TAFA5: variants seen among roughly 807,000 people sequenced by gnomAD.
The protein encoded by TAFA5 is TAFA chemokine like family member 5.
Under a neutral mutation model 15.3 loss-of-function variants are expected in TAFA5, and 6 were observed. The observed-to-expected ratio is 0.39, with a 90% CI of 0.21 to 0.77. The LOEUF is 0.77. Among genes scored for constraint, TAFA5 ranks in the 30% least tolerant of loss-of-function variants. The pLI, the probability that TAFA5 is intolerant of heterozygous loss-of-function variation, is 0.41. For synonymous variants in TAFA5, 103 were observed against 80.7 expected, an observed-to-expected ratio of 1.28 and a Z score of -1.48; for missense variants, 161 against 193.1, an observed-to-expected ratio of 0.83 and a Z score of 0.98.
intron 2 of TAFA5, among the ~76,000 whole-genome samples, chr22:48,654,152 C>A (rs1927153265): frequency 6.6e-6 from 1 of 152,054 alleles, no homozygotes. Flanking sequence ...TGGCTCTGCT[C>A]CCTCCCTTTC....
chr22:48,519,193 T>C (rs1390025751), intron 1 of TAFA5, among the ~76,000 whole-genome samples: 1 of 152,238 alleles, frequency 6.6e-6, no homozygotes, highest in African/African-American at 2.4e-5. Context: ...CAGCCGATGC[T>C]TAGTGTACTG....
At chr22:48,557,729 C>G (rs1208943888) in intron 1 of TAFA5, among the ~76,000 whole-genome samples, 11 of 152,222 alleles carry the variant, frequency 7.2e-5, no homozygotes, top group Non-Finnish European at 1.6e-4. Context: ...GTCCAGCCCC[C>G]ACAGCACCCC....
chr22:48,712,814 T>C (rs1240845865), intron 3 of TAFA5, among the ~76,000 whole-genome samples: 1 of 152,242 alleles, frequency 6.6e-6, no homozygotes, highest in Admixed American at 6.5e-5. Flanking sequence ...TCCTGTGCTC[T>C]GCCTCTGCCT....
chr22:48,745,439 G>A (rs1055231549), intron 3 of TAFA5, among the ~76,000 whole-genome samples: 1 of 150,132 alleles, frequency 6.7e-6, no homozygotes, highest in African/African-American at 2.5e-5. Flanking sequence ...GCCTGCCCGG[G>A]GTTCACCCTG....
intron 1 of TAFA5, among the ~76,000 whole-genome samples, chr22:48,579,992 G>A (rs926059026): frequency 3.3e-5 from 5 of 152,174 alleles, no homozygotes; most frequent in African/African-American, 1.2e-4. Flanking sequence ...GAGTGCATTC[G>A]ACGGCTTGAA....
intron 1 of TAFA5, among the ~76,000 whole-genome samples, chr22:48,606,302 A>G (rs1225978514): frequency 1.3e-5 from 2 of 152,176 alleles, no homozygotes; most frequent in Non-Finnish European, 2.9e-5. Flanking sequence ...ACCGTCGGAG[A>G]CAGCGTGCAC....
At chr22:48,493,898 G>A (rs12172397) in intron 1 of TAFA5, among the ~76,000 whole-genome samples, 9,773 of 152,234 alleles carry the variant, frequency 0.064, 420 homozygotes, top group Middle Eastern at 0.088. Flanking sequence ...TGATCCTGGC[G>A]GTGCCCCACT....
rs1352316161 is a variant in TAFA5, at chr22:48,489,832, C to G, written c.112+128C>G. ...GTTACGAGCGCCGGGCGCATGGTCC[C>G]CCGAGTCCCGGCCGGTCCAACGCTG... is the stretch of plus-strand genomic sequence containing the variant. On this transcript the variant is annotated intron_variant, in intron 1 of 3. Coordinates refer to ENST00000402357, the MANE Select transcript of TAFA5 (RefSeq NM_001082967.3). This position sits in a 1 kb window ranked among gnomAD's most constrained non-coding sequence, Gnocchi z 5.5. 3 of 490,758 alleles carry G rather than the reference C, an allele frequency of 6.1e-6. No individual in the cohort carries two copies. The South Asian group carries it at 1.6e-4, about 25-fold the overall frequency. 30.4% of individuals were successfully genotyped at this position (490,758 alleles called of 1,614,324 possible). A position where few individuals can be genotyped will look rare whatever the true frequency, so the allele number is the denominator to read the frequency against.
chr22:48,692,802 G>A (rs1003258106), intron 2 of TAFA5, among the ~76,000 whole-genome samples: 10 of 152,240 alleles, frequency 6.6e-5, no homozygotes, highest in African/African-American at 1.9e-4. Context: ...AGGAAGGTCA[G>A]AATGGGAAGC....
intron 3 of TAFA5, among the ~76,000 whole-genome samples, chr22:48,727,044 C>G (rs1929736906): frequency 6.6e-6 from 1 of 152,160 alleles, no homozygotes; most frequent in African/African-American, 2.4e-5. Flanking sequence ...ATTTATCATA[C>G]CACCTACATA....
At chr22:48,740,579 T>C (rs1484768535) in intron 3 of TAFA5, among the ~76,000 whole-genome samples, 4 of 152,160 alleles carry the variant, frequency 2.6e-5, no homozygotes, top group African/African-American at 9.7e-5. Flanking sequence ...CGTGGCAGCG[T>C]CGTGGCTTCA....
chr22:48,559,455 G>A (rs772496765), intron 1 of TAFA5, among the ~76,000 whole-genome samples: 9 of 152,242 alleles, frequency 5.9e-5, no homozygotes, highest in East Asian at 3.9e-4. Flanking sequence ...CCCACACTGC[G>A]GGGTCCCCTG....
intron 1 of TAFA5, among the ~76,000 whole-genome samples, chr22:48,512,800 T>G (rs1364854978): frequency 1.4e-5 from 2 of 148,124 alleles, no homozygotes; most frequent in African/African-American, 5.0e-5. Flanking sequence ...GCGAGCGCCT[T>G]TAGTCCCAGC....
chr22:48,571,517 C>T (rs1300782809), intron 1 of TAFA5, among the ~76,000 whole-genome samples: 1 of 147,160 alleles, frequency 6.8e-6, no homozygotes, highest in Non-Finnish European at 1.5e-5. Context: ...TCGTGATCTG[C>T]CTGCCTTGGC....
At chr22:48,683,893 G>A (rs1327304612) in intron 2 of TAFA5, among the ~76,000 whole-genome samples, 2 of 152,068 alleles carry the variant, frequency 1.3e-5, no homozygotes, top group African/African-American at 2.4e-5. Flanking sequence ...CCCCGTTGCC[G>A]GCTCTCCCTC....
At chr22:48,643,255 C>T (rs1407211821) in intron 1 of TAFA5, among the ~76,000 whole-genome samples, 1 of 152,226 alleles carries the variant, frequency 6.6e-6, no homozygotes, top group Non-Finnish European at 1.5e-5. Context: ...CTCGCTGTGG[C>T]GATCTGTTAC....
At position 48,735,765 on chromosome 22, in the gene TAFA5, C is replaced by T. The variant is rs563051404; in HGVS notation, c.391-14074C>T. The stretch of plus-strand genomic sequence containing the variant: ...CCATCCCCCGAGGAGGAATGAGAAT[C>T]ACACTCCTAGAGTCCATCCCCCGCA... On this transcript the variant is annotated intron_variant, in intron 3 of 3. Coordinates refer to ENST00000402357, the MANE Select transcript of TAFA5 (RefSeq NM_001082967.3). Among the ~76,000 whole-genome samples the T allele has an allele frequency of 9.3e-5, 14 of 150,496 alleles. No individual in the cohort carries two copies. The South Asian group carries it at 1.7e-3, about 18-fold the overall frequency.
intron 1 of TAFA5, among the ~76,000 whole-genome samples, chr22:48,643,635 C>T (rs1192655960): frequency 6.6e-6 from 1 of 152,202 alleles, no homozygotes; most frequent in African/African-American, 2.4e-5. Flanking sequence ...GTGTGGTTGG[C>T]GGCTTAGTGA....
Position 48,489,865 on chromosome 22 carries a change from C to T in TAFA5, c.112+161C>T, listed in dbSNP as rs1454779025. 2.0e-5 allele frequency among the ~76,000 whole-genome samples: 3 copies of T among 151,756 alleles called. No individual in the cohort carries two copies. The highest frequency in any genetic ancestry group is 6.6e-5 in the Admixed American group (1 of 15,238). Reference sequence around the variant, plus strand: ...CCGGCCGGTCCAACGCTGCGCTGGGCGGGCGAGAGGGTCCACCCGGGTTCC... The same window carrying T: ...CCGGCCGGTCCAACGCTGCGCTGGGTGGGCGAGAGGGTCCACCCGGGTTCC... On this transcript the variant is annotated intron_variant, in intron 1 of 3. Coordinates refer to ENST00000402357, the MANE Select transcript of TAFA5 (RefSeq NM_001082967.3). This position sits in a 1 kb window ranked among gnomAD's most constrained non-coding sequence, Gnocchi z 5.5.
Sources: allele counts gnomAD v4.1 joint callset (sites outside exome capture counted in the v4.1 genomes callset), GRCh38; gene constraint gnomAD v4.1.1; non-coding constraint Gnocchi (gnomAD v3.1); transcripts MANE v1.5; gene names NCBI Gene and HGNC (gene_info 2026-07-23, HGNC 2026-07-21).